The following TRIM66 variants were observed in gnomAD, a reference collection of about 807,000 sequenced individuals.
TRIM66 encodes the protein tripartite motif containing 66, also known as tripartite motif-containing protein 66.
In TRIM66, 99 loss-of-function variants were observed where a neutral mutation model predicts 148.2. The observed-to-expected ratio is 0.67, with a 90% CI of 0.57 to 0.79. The LOEUF (loss-of-function observed/expected upper bound fraction) is 0.79, where lower values mean the gene tolerates loss of function less well. Ranked by LOEUF, TRIM66 falls within the 30% of genes least tolerant of loss-of-function variation. The pLI is 0.00. For synonymous variants in TRIM66, 616 were observed against 635.9 expected (o/e 0.97, Z 0.47); for missense variants, 1,666 against 1,697.9 (o/e 0.98, Z 0.33).
At chr11:8,678,737 T>G (rs11042035) in intron 3 of TRIM66, among the ~76,000 whole-genome samples, 12,634 of 152,222 alleles carry the variant, frequency 0.083, 697 homozygotes, top group East Asian at 0.15. Context: ...CATCTAAAGA[T>G]GGAGAGCAAG....
chr11:8,661,921 C>T (rs1032726354), intron 6 of TRIM66, among the ~76,000 whole-genome samples: 5 of 152,216 alleles, frequency 3.3e-5, no homozygotes, highest in Non-Finnish European at 5.9e-5. Flanking sequence ...CCAAGCAGCA[C>T]TGGCAGCAGC....
chr11:8,643,023 T>C lies in TRIM66; in HGVS notation c.1208A>G (p.Gln403Arg). The C allele has an allele frequency of 1.3e-6, 2 of 1,550,626 alleles. No homozygotes were observed. Among genetic ancestry groups the C allele is most frequent in the Non-Finnish European group, 1.7e-6 (2 of 1,146,468 alleles). Residue 403 changes from glutamine (Q) to arginine (R), a missense_variant, in exon 13 of 25, where the codon CAG becomes CGG. Around this residue, in one of 3 missense-constraint regions of TRIM66, gnomAD observed 1,431 missense variants for 1,412.4 expected, o/e 1.01. Coordinates refer to ENST00000646038, the MANE Select transcript of TRIM66 (RefSeq NM_001388022.1). ...TCCAAGCTCACCAAGAGAAGCTAGC[T>C]GCTTGGTCCAGAAGTTAGGCTCCCA... ...FTWEPNFWTK[Q>R]LASLGCITTE... is the part of the protein sequence containing the mutation.
chr11:8,676,773 T>G (rs1308526717), intron 3 of TRIM66, among the ~76,000 whole-genome samples: 2 of 152,160 alleles, frequency 1.3e-5, no homozygotes, highest in African/African-American at 4.8e-5. Flanking sequence ...TCCCCTGACC[T>G]AGAAGAGTGT....
At chr11:8,669,611 C>T (rs529443113) in intron 6 of TRIM66, among the ~76,000 whole-genome samples, 1 of 151,180 alleles carries the variant, frequency 6.6e-6, no homozygotes, top group Non-Finnish European at 1.5e-5. Flanking sequence ...CCACTGCACT[C>T]CAGCCTGGGC....
In TRIM66 at chr11:8,613,774, G is replaced by A. The variant is rs2033549239; in HGVS notation, c.*4170C>T. 1 of 152,208 alleles carries A rather than the reference G, an allele frequency of 6.6e-6. No homozygotes were observed. The highest frequency in any genetic ancestry group is 2.4e-5 in the African/African-American group (1 of 41,406). 9.4% of individuals were successfully genotyped at this position (152,208 alleles called of 1,614,324 possible). ...AGTTACAGACACAGATGAATGAGAG[G>A]GGAGAGAGGAACAGCAGGCAAGGAA... On this transcript the variant is annotated 3_prime_UTR_variant, in exon 25 of 25. Transcript: ENST00000646038.
In TRIM66 at chr11:8,671,962, C is replaced by T. The variant is rs964481289; in HGVS notation, c.164G>A (p.Cys55Tyr). The change falls in exon 6 of 25, where the codon TGC becomes TAC. Residue 55 changes from cysteine (C) to tyrosine (Y), a missense_variant. Cys to Tyr is a radical substitution (Grantham distance 194, BLOSUM62 -2). Around this residue, in one of 3 missense-constraint regions of TRIM66, gnomAD observed 1,431 missense variants for 1,412.4 expected, o/e 1.01. Transcript: ENST00000646038. ...MGLPLAGQKH[C>Y]PKSGQMEAMV... is the part of the protein sequence containing the mutation. ...GGCCTCCATCTGTCCACTCTTAGGG[C>T]AGTGTTTCTGGCCAGCTAGTGGCAG... 9 of 1,536,032 alleles carry T rather than the reference C, an allele frequency of 5.9e-6. No individual in the cohort carries two copies. In the African/African-American group the frequency reaches 1.2e-4, roughly 21 times the overall value.
intron 4 of TRIM66, among the ~76,000 whole-genome samples, chr11:8,674,452 T>C (rs1163891711): frequency 6.6e-6 from 1 of 152,228 alleles, no homozygotes; most frequent in East Asian, 1.9e-4. Flanking sequence ...CGTGCGAAGT[T>C]CACTGCAGCC....
intron 4 of TRIM66, among the ~76,000 whole-genome samples, chr11:8,674,120 A>G (rs2039070458): frequency 6.6e-6 from 1 of 152,258 alleles, no homozygotes; most frequent in African/African-American, 2.4e-5. Flanking sequence ...TCACTGGGCC[A>G]GTAGTTCTCA....
chr11:8,644,543 C>T (rs992150793), intron 12 of TRIM66: 7 of 393,742 alleles, frequency 1.8e-5, no homozygotes, highest in Admixed American at 3.1e-5. Context: ...CCATCTCAGA[C>T]GAAGGGACTG....
chr11:8,683,056 C>A (rs1021669113), upstream of TRIM66: 3 of 924,482 alleles, frequency 3.2e-6, no homozygotes, highest in African/African-American at 1.6e-5. Flanking sequence ...GACCTCACGG[C>A]CCTGAGCGGA....
At chr11:8,654,748 A>G (rs578072849) in intron 6 of TRIM66, among the ~76,000 whole-genome samples, 40 of 152,376 alleles carry the variant, frequency 2.6e-4, no homozygotes, top group Non-Finnish European at 4.8e-4. Flanking sequence ...CAATGTTATA[A>G]CAAAAGGATG....
At chr11:8,653,566 C>T (rs955715734) in intron 6 of TRIM66, among the ~76,000 whole-genome samples, 27 of 152,252 alleles carry the variant, frequency 1.8e-4, no homozygotes, top group Non-Finnish European at 2.1e-4. Flanking sequence ...AGAGTGAACA[C>T]AGTTATAATT....
At chr11:8,667,741 ACTTC>A (rs1437791843) in intron 6 of TRIM66, among the ~76,000 whole-genome samples, 1 of 152,226 alleles carries the variant, frequency 6.6e-6, no homozygotes, top group Non-Finnish European at 1.5e-5. Context: ...ATGTGTCAGA[ACTTC>A]CTTCCTTATT....
intron 24 of TRIM66, 97 bp downstream of exon 24, chr11:8,618,653 T>C: frequency 8.5e-7 from 1 of 1,179,104 alleles, no homozygotes; most frequent in South Asian, 1.5e-5. Flanking sequence ...ACCATCTTTT[T>C]GCACCACCCG....
At chr11:8,623,903 G>A (rs1490331131) in intron 17 of TRIM66, among the ~76,000 whole-genome samples, 3 of 152,174 alleles carry the variant, frequency 2.0e-5, no homozygotes, top group African/African-American at 4.8e-5. Flanking sequence ...CTAAGAAGTA[G>A]GTGCGATTGG....
At chr11:8,622,365 C>CACACATATATATATATATATAT in intron 18 of TRIM66, among the ~76,000 whole-genome samples, 11 of 59,606 alleles carry the variant, frequency 1.8e-4, no homozygotes, top group East Asian at 3.5e-4. Context: ...CACACACACA[C>CACACATATATATATATATATAT]ATATATATAT....
intron 3 of TRIM66, among the ~76,000 whole-genome samples, chr11:8,678,484 G>A (rs993442461): frequency 3.3e-5 from 5 of 152,298 alleles, no homozygotes; most frequent in African/African-American, 1.2e-4. Flanking sequence ...GTAATACTCA[G>A]AAAAGAAAAT....
rs1236352072 is a variant in TRIM66, at chr11:8,617,750, G to GA, written c.*193dup. 59 of 567,278 alleles carry GA rather than the reference G, an allele frequency of 1.0e-4. 1 individual carries two copies. The South Asian group carries it at 1.6e-3, about 15-fold the overall frequency. 35.1% of individuals were successfully genotyped at this position (567,278 alleles called of 1,614,324 possible). A position where few individuals can be genotyped will look rare whatever the true frequency, so the allele number is the denominator to read the frequency against. ...ACCTTCCTCTTTCCTGTTTATTACT[G>GA]AAATCTTCTCTGTAGTGGATGTACT... On this transcript the variant is annotated 3_prime_UTR_variant, in exon 25 of 25. Transcript: ENST00000646038.
chr11:8,631,605 C>T (rs1018032385), intron 15 of TRIM66, among the ~76,000 whole-genome samples: 5 of 152,202 alleles, frequency 3.3e-5, no homozygotes, highest in African/African-American at 9.6e-5. Context: ...CTTGTTCTTT[C>T]AGTGAATGAC....
Sources: gnomAD v4.1 joint callset for allele counts (sites outside exome capture counted in the v4.1 genomes callset) on GRCh38, gnomAD v4.1.1 for gene constraint, gnomAD v4.1.1 regional missense constraint, MANE v1.5 for transcripts, NCBI Gene and HGNC (gene_info 2026-07-23, HGNC 2026-07-21) for gene names.